The following HIBCH variants were observed in gnomAD, a reference collection of about 807,000 sequenced individuals.
The protein encoded by HIBCH is 3-hydroxyisobutyryl-CoA hydrolase, mitochondrial.
HIBCH carries 50 observed loss-of-function variants against 58.2 expected under a neutral mutation model. The observed-to-expected ratio is 0.86, with a 90% CI of 0.68 to 1.09. HIBCH has a LOEUF of 1.09. Among genes scored for constraint, HIBCH ranks in the 50% least tolerant of loss-of-function variants. The pLI, the probability that HIBCH is intolerant of heterozygous loss-of-function variation, is 0.00. For synonymous variants in HIBCH, 151 were observed against 146.9 expected (o/e 1.03, Z -0.20); for missense variants, 450 against 449.7 (o/e 1.00, Z -0.01).
downstream of HIBCH, chr2:190,200,520 T>A (rs1426897794): frequency 5.5e-6 from 1 of 182,702 alleles, no homozygotes; most frequent in Non-Finnish European, 1.3e-5. Context: ...TTTTGTTTGT[T>A]TATACCCAAA....
chr2:190,247,255 A>C (rs1284421710), intron 9 of HIBCH, among the ~76,000 whole-genome samples: 1 of 152,200 alleles, frequency 6.6e-6, no homozygotes, highest in African/African-American at 2.4e-5. Flanking sequence ...AAATCACTTG[A>C]GAAAAATGCT....
intron 4 of HIBCH, among the ~76,000 whole-genome samples, chr2:190,293,485 TAAAAA>T (rs920017605): frequency 6.6e-6 from 1 of 151,590 alleles, no homozygotes; most frequent in Non-Finnish European, 1.5e-5. Context: ...AATAAAATAA[TAAAAA>T]AACGCATGTT....
At chr2:190,310,889 TA>T in intron 1 of HIBCH, 93 bp from the exon 2 acceptor site, 1 of 872,042 alleles carries the variant, frequency 1.1e-6, no homozygotes, top group Non-Finnish European at 1.9e-6. Context: ...CAGCCTCTTC[TA>T]AAAGGTATTA....
chr2:190,195,941 C>CTTTTT lies in HIBCH; in HGVS notation c.*18-5949_*18-5945dup, dbSNP rs35679833. Among the ~76,000 whole-genome samples the CTTTTT allele has an allele frequency of 3.7e-3, 315 of 86,024 alleles. 6 individuals are homozygous for CTTTTT. Among genetic ancestry groups the CTTTTT allele is most frequent in the Non-Finnish European group, 5.0e-3 (214 of 43,118 alleles). The allele number at this position is 86,024 out of a possible 152,430, so 56.4% of individuals were successfully genotyped here. A position where few individuals can be genotyped will look rare whatever the true frequency, so the allele number is the denominator to read the frequency against. ...TGAAGGGTTTAAGAACTGTGTCCAG[C>CTTTTT]TTTTTTTTTTTTTTTTTTTTTGGCA... is the stretch of plus-strand genomic sequence containing the variant. On this transcript the variant is annotated intron_variant, in intron 1 of 1. Coordinates refer to the HIBCH transcript ENST00000399855.
In HIBCH at chr2:190,216,980, G is replaced by A. The variant is rs1228072893; in HGVS notation, c.892-3905C>T. On this transcript the variant is annotated intron_variant, in intron 11 of 13. Transcript: ENST00000359678. The surrounding 1 kb of genome is among the most constrained non-coding windows in gnomAD (Gnocchi z 4.2). The stretch of plus-strand genomic sequence containing the variant: ...CTCTCCGCCTGCCAGGGAGAGGAAT[G>A]GTGTCTTCAAAGCAAACAATGAGGA... Among the ~76,000 whole-genome samples the A allele has an allele frequency of 6.6e-6, 1 of 152,168 alleles. No homozygotes were observed. The highest frequency in any genetic ancestry group is 1.5e-5 in the Non-Finnish European group (1 of 68,026).
At position 190,207,742 on chromosome 2, in the gene HIBCH, G is replaced by A. The variant is rs774202111; in HGVS notation, c.1045+1138C>T. Among the ~76,000 whole-genome samples the A allele has an allele frequency of 2.0e-5, 3 of 152,046 alleles. No individual in the cohort carries two copies. Among genetic ancestry groups the A allele is most frequent in the Admixed American group, 6.5e-5 (1 of 15,276 alleles). ...CTAAAAATACAAAAATCAGCTAGGC[G>A]TGGTGGCATGGGCTGGTAGTCCCAG... On this transcript the variant is annotated intron_variant, in intron 13 of 13. Coordinates refer to ENST00000359678, the MANE Select transcript of HIBCH (RefSeq NM_014362.4). This position sits in a 1 kb window ranked among gnomAD's most constrained non-coding sequence, Gnocchi z 4.5.
In HIBCH at chr2:190,209,029, G is replaced by T; in HGVS notation, c.1012-116C>A. On this transcript the variant is annotated intron_variant, in intron 12 of 13. Coordinates refer to ENST00000359678, the MANE Select transcript of HIBCH (RefSeq NM_014362.4). The surrounding 1 kb of genome is among the most constrained non-coding windows in gnomAD (Gnocchi z 5.6). ...CTCCCATGGCCACAACCTGAACCAT[G>T]ACATTCAGAGACTGAACCACCTCTG... 1 of 846,664 alleles carries T rather than the reference G, an allele frequency of 1.2e-6. No individual in the cohort carries two copies. Among genetic ancestry groups the T allele is most frequent in the South Asian group, 1.4e-5 (1 of 70,654 alleles). 52.4% of individuals were successfully genotyped at this position (846,664 alleles called of 1,614,324 possible).
chr2:190,192,227 T>C (rs1689744673), intron 1 of HIBCH, among the ~76,000 whole-genome samples: 1 of 152,146 alleles, frequency 6.6e-6, no homozygotes, highest in Non-Finnish European at 1.5e-5. Flanking sequence ...TTTGCATTCA[T>C]TGTTTTTGGA....
At chr2:190,248,333 G>T (rs930470900) in intron 9 of HIBCH, among the ~76,000 whole-genome samples, 1 of 152,032 alleles carries the variant, frequency 6.6e-6, no homozygotes, top group Admixed American at 6.6e-5. Context: ...AACGTCTATG[G>T]GTTTTTTTTT....
At chr2:190,227,437 T>C (rs1482855466) in intron 11 of HIBCH, among the ~76,000 whole-genome samples, 2 of 152,208 alleles carry the variant, frequency 1.3e-5, no homozygotes, top group East Asian at 3.8e-4. Flanking sequence ...GATTAAAGAC[T>C]TAAATGTTAG....
At chr2:190,199,684 C>T, downstream of HIBCH, 1 of 1,411,092 alleles carries the variant, frequency 7.1e-7, no homozygotes, top group Non-Finnish European at 9.2e-7. Context: ...TGAAACCTAC[C>T]TTCTCTTGAC....
intron 11 of HIBCH, among the ~76,000 whole-genome samples, chr2:190,239,126 G>T (rs13414825): frequency 0.033 from 5,051 of 152,182 alleles, 139 homozygotes; most frequent in East Asian, 0.13. Flanking sequence ...AATCCATCTT[G>T]AATTAATTTT....
chr2:190,288,296 T>C (rs774841041), intron 5 of HIBCH, among the ~76,000 whole-genome samples: 25 of 151,430 alleles, frequency 1.7e-4, no homozygotes, highest in Non-Finnish European at 4.4e-5. Context: ...GAAACTTTTG[T>C]GAAACTAGAT....
chr2:190,271,978 C>T (rs959197092), intron 6 of HIBCH, among the ~76,000 whole-genome samples: 3 of 152,210 alleles, frequency 2.0e-5, no homozygotes, highest in Admixed American at 6.5e-5. Context: ...AACACTGCAT[C>T]GAACCCTTAC....
At chr2:190,230,113 G>A (rs148669194) in intron 11 of HIBCH, among the ~76,000 whole-genome samples, 132 of 152,118 alleles carry the variant, frequency 8.7e-4, no homozygotes, top group Middle Eastern at 3.4e-3. Context: ...TTTCTGTTTG[G>A]GTCCCCTACA....
At chr2:190,229,087 G>A (rs1686013432) in intron 11 of HIBCH, among the ~76,000 whole-genome samples, 1 of 152,128 alleles carries the variant, frequency 6.6e-6, no homozygotes, top group African/African-American at 2.4e-5. Flanking sequence ...AGTGTGACAT[G>A]CCTACTGTAT....
Position 190,287,615 on chromosome 2 carries a change from C to T in HIBCH, c.409G>A (p.Ala137Thr). The change falls in exon 6 of 14, where the codon GCA (alanine) becomes ACA (threonine). Residue 137 changes from alanine to threonine, a missense_variant. Transcript: ENST00000359678. ...CCCATTGTAATTCCATGAATAAGTGCAACATAAGGTTTCTGGCAAGAACCT... is the reference window on the plus strand; with the variant it reads ...CCCATTGTAATTCCATGAATAAGTGTAACATAAGGTTTCTGGCAAGAACCT... The part of the protein sequence containing the change: ...AVGSCQKPYV[A>T]LIHGITMGGG... The T allele has an allele frequency of 6.2e-7, 1 of 1,611,322 alleles. No individual in the cohort carries two copies. The highest frequency in any genetic ancestry group is 8.5e-7 in the Non-Finnish European group (1 of 1,177,862).
intron 1 of HIBCH, among the ~76,000 whole-genome samples, chr2:190,316,443 A>C (rs990892907): frequency 2.6e-5 from 4 of 152,208 alleles, no homozygotes; most frequent in Non-Finnish European, 4.4e-5. Flanking sequence ...TAAAACTACT[A>C]ACATTATCTG....
Position 190,215,857 on chromosome 2 carries a change from G to A in HIBCH, c.892-2782C>T, listed in dbSNP as rs1484646168. 1 of 152,646 alleles carries A rather than the reference G, an allele frequency of 6.6e-6. No individual in the cohort carries two copies. The highest frequency in any genetic ancestry group is 2.4e-5 in the African/African-American group (1 of 41,438). The allele number at this position is 152,646 out of a possible 1,614,324, so 9.5% of individuals were successfully genotyped here. On this transcript the variant is annotated intron_variant, in intron 11 of 13. Transcript: ENST00000359678. This position sits in a 1 kb window ranked among gnomAD's most constrained non-coding sequence, Gnocchi z 4.4. ...AGCCAAGACAGGGAAGGCAGTGTAA[G>A]ACACTGTGCAGGTGTGCTGGTGCCC... is the stretch of plus-strand genomic sequence containing the variant.
Sources: allele counts gnomAD v4.1 joint callset (sites outside exome capture counted in the v4.1 genomes callset), GRCh38; gene constraint gnomAD v4.1.1; non-coding constraint Gnocchi (gnomAD v3.1); transcripts MANE v1.5; gene names NCBI Gene and HGNC (gene_info 2026-07-23, HGNC 2026-07-21).